Variants in CLIP2 observed in about 807,000 individuals in gnomAD.
CLIP2 encodes the protein CAP-Gly domain containing linker protein 2, also known as CAP-Gly domain-containing linker protein 2.
A neutral mutation model predicts 111.7 loss-of-function variants in CLIP2; 41 were observed. The ratio of observed to expected loss-of-function variants is 0.37; its 90% CI spans 0.29 to 0.48. The LOEUF is 0.48. Ranked by LOEUF, CLIP2 falls within the 20% of genes least tolerant of loss-of-function variation. The pLI is 0.99. For synonymous variants in CLIP2, 660 were observed against 644.2 expected (o/e 1.02, Z -0.37); for missense variants, 1,160 against 1,422.1 (o/e 0.82, Z 2.96).
intron 13 of CLIP2, among the ~76,000 whole-genome samples, chr7:74,389,594 A>AC (rs1333577115): frequency 2.2e-5 from 2 of 91,848 alleles, no homozygotes; most frequent in East Asian, 4.1e-4. Flanking sequence ...TCTCTAAAAA[A>AC]AAAAAAAAAA....
At position 74,386,598 on chromosome 7, in the gene CLIP2, G is replaced by A; in HGVS notation, c.2557G>A (p.Val853Ile). 6.2e-7 allele frequency: 1 copy of A among 1,605,824 alleles called. No individual in the cohort carries two copies. The highest frequency in any genetic ancestry group is 8.5e-7 in the Non-Finnish European group (1 of 1,176,900). Reference sequence around the variant, plus strand: ...CCAGACCGAGATGCTCAGGGCCCAAGTAAGTGGTAAGTCTCCCTCCCGCAG... The same window carrying A: ...CCAGACCGAGATGCTCAGGGCCCAAATAAGTGGTAAGTCTCCCTCCCGCAG... ...TSQTEMLRAQVSALESKCKSG... is the reference protein window; with the variant it reads ...TSQTEMLRAQISALESKCKSG... Residue 853 changes from valine (V) to isoleucine (I), a missense_variant, in exon 12 of 17, where the codon GTA (valine) becomes ATA (isoleucine). Coordinates refer to ENST00000223398, the MANE Select transcript of CLIP2 (RefSeq NM_003388.5).
intron 3 of CLIP2, among the ~76,000 whole-genome samples, chr7:74,342,663 C>T (rs188994177): frequency 2.8e-4 from 42 of 152,220 alleles, no homozygotes; most frequent in African/African-American, 9.9e-4. Context: ...CCTGTAATCC[C>T]AGCATTTTGG....
chr7:74,397,131 G>A lies in CLIP2; in HGVS notation c.2778G>A (p.Pro926=), dbSNP rs781994822. The change falls in exon 14 of 17, where the codon CCG becomes CCA. Residue 926 remains proline, a synonymous_variant. Coordinates refer to ENST00000223398, the MANE Select transcript of CLIP2 (RefSeq NM_003388.5). ...LLEANRHSPG[P]ERDLSREVHK... Reference sequence around the variant, plus strand: ...AGGCCAATCGTCACTCCCCAGGGCCGGAGAGGGACCTGAGCCGTGAGGTAC... The same window carrying A: ...AGGCCAATCGTCACTCCCCAGGGCCAGAGAGGGACCTGAGCCGTGAGGTAC... The A allele has an allele frequency of 1.9e-5, 31 of 1,613,934 alleles. No homozygotes were observed. The highest frequency in any genetic ancestry group is 4.5e-5 in the East Asian group (2 of 44,872).
At chr7:74,397,527 TG>T (rs1439517226) in intron 14 of CLIP2, among the ~76,000 whole-genome samples, 2 of 151,988 alleles carry the variant, frequency 1.3e-5, no homozygotes, top group Non-Finnish European at 2.9e-5. Flanking sequence ...AAGAGCTCCC[TG>T]TTCAGAGGAG....
intron 3 of CLIP2, among the ~76,000 whole-genome samples, chr7:74,345,059 G>A (rs1554306027): frequency 6.6e-6 from 1 of 152,116 alleles, no homozygotes; most frequent in Non-Finnish European, 1.5e-5. Context: ...TTCCATGAAT[G>A]TGGTAACAGT....
chr7:74,403,814 A>G (rs1554318109), intron 16 of CLIP2, 23 bp from the exon 17 acceptor site: 1 of 1,612,886 alleles, frequency 6.2e-7, no homozygotes, highest in South Asian at 1.1e-5. Flanking sequence ...ACCCTTGCTG[A>G]TGATGCCCTT....
At chr7:74,317,932 C>T (rs1788833697) in intron 2 of CLIP2, among the ~76,000 whole-genome samples, 1 of 152,152 alleles carries the variant, frequency 6.6e-6, no homozygotes, top group Admixed American at 6.6e-5. Context: ...TGGCTCACGC[C>T]TGTAATCCCA....
At chr7:74,356,353 G>C in intron 4 of CLIP2, 57 bp from the exon 5 acceptor site, 1 of 1,443,352 alleles carries the variant, frequency 6.9e-7, no homozygotes, top group Non-Finnish European at 9.8e-7. Flanking sequence ...GGAGGCAGGG[G>C]AGGCTCTCCA....
At chr7:74,289,979 G>A (rs1787965266) in intron 1 of CLIP2, among the ~76,000 whole-genome samples, 1 of 152,170 alleles carries the variant, frequency 6.6e-6, no homozygotes, top group African/African-American at 2.4e-5. Flanking sequence ...AGGGTTGGGG[G>A]CTATTCCCGG....
chr7:74,371,388 A>G (rs1790615392), intron 8 of CLIP2, among the ~76,000 whole-genome samples: 1 of 151,520 alleles, frequency 6.6e-6, no homozygotes, highest in Admixed American at 6.6e-5. Flanking sequence ...TGCACCATCT[A>G]TGAGGGTTCC....
At chr7:74,319,309 C>G (rs565310278) in intron 2 of CLIP2, among the ~76,000 whole-genome samples, 3 of 152,058 alleles carry the variant, frequency 2.0e-5, no homozygotes, top group African/African-American at 7.2e-5. Context: ...GTCAGGAGTT[C>G]GAGACCAGCC....
In CLIP2 at chr7:74,371,777, GGA is replaced by G. The variant is rs140323035; in HGVS notation, c.1381-1146_1381-1145del. ...AGAGGGAGGAGAAGGAGAGAGGAGG[GGA>G]GAGAGAGAACTTTTTTTGTTGTTCC... On this transcript the variant is annotated intron_variant, in intron 8 of 16. Transcript: ENST00000223398. Among the ~76,000 whole-genome samples, 519 of 150,194 alleles carry G rather than the reference GGA, an allele frequency of 3.5e-3. 4 individuals are homozygous for G. The highest frequency in any genetic ancestry group is 0.012 in the African/African-American group (498 of 40,816).
At chr7:74,298,767 C>G (rs1007136188) in intron 1 of CLIP2, among the ~76,000 whole-genome samples, 1 of 151,966 alleles carries the variant, frequency 6.6e-6, no homozygotes, top group Non-Finnish European at 1.5e-5. Context: ...CTCCTGACCT[C>G]AGGTGATTGT....
chr7:74,336,794 G>A (rs1177519936), intron 2 of CLIP2, among the ~76,000 whole-genome samples: 1 of 151,342 alleles, frequency 6.6e-6, no homozygotes, highest in Non-Finnish European at 1.5e-5. Context: ...ATGAGCTATC[G>A]TATGTTAAGC....
chr7:74,365,914 C>T (rs1790462102), intron 8 of CLIP2, among the ~76,000 whole-genome samples: 1 of 151,968 alleles, frequency 6.6e-6, no homozygotes. Context: ...CCACCACACC[C>T]AGCTAATTTT....
intron 1 of CLIP2, among the ~76,000 whole-genome samples, chr7:74,303,900 A>C (rs1554727289): frequency 7.7e-6 from 1 of 129,218 alleles, no homozygotes; most frequent in Non-Finnish European, 1.6e-5. Context: ...TGACAGAGTG[A>C]GACTCGGTCT....
chr7:74,347,797 G>T (rs1789846162), intron 3 of CLIP2, among the ~76,000 whole-genome samples: 1 of 152,188 alleles, frequency 6.6e-6, no homozygotes, highest in Admixed American at 6.6e-5. Context: ...TAAATATTCA[G>T]CTCTGGGAAA....
At chr7:74,340,527 G>A (rs1444892075) in intron 3 of CLIP2, among the ~76,000 whole-genome samples, 1 of 152,212 alleles carries the variant, frequency 6.6e-6, no homozygotes, top group Non-Finnish European at 1.5e-5. Context: ...CACTGGAGCT[G>A]ACAGCTTCCT....
intron 14 of CLIP2, among the ~76,000 whole-genome samples, chr7:74,397,671 T>C (rs1384293874): frequency 1.4e-5 from 2 of 143,556 alleles, no homozygotes; most frequent in South Asian, 2.3e-4. Context: ...TTTTTGTTTT[T>C]TTTTTTTTTT....
Sources: allele counts gnomAD v4.1 joint callset (sites outside exome capture counted in the v4.1 genomes callset), GRCh38; gene constraint gnomAD v4.1.1; transcripts MANE v1.5; gene names NCBI Gene and HGNC (gene_info 2026-07-23, HGNC 2026-07-21).